Variants in CEP126 observed in about 807,000 individuals in gnomAD.
The protein encoded by CEP126 is centrosomal protein of 126 kDa.
In CEP126, 74 loss-of-function variants were observed where a neutral mutation model predicts 107.8. The observed-to-expected ratio is 0.69, with a 90% CI of 0.57 to 0.83. CEP126 has a LOEUF of 0.83. CEP126 is among the 40% of genes least tolerant of loss of function. CEP126 has a pLI of 0.00. For missense variants in CEP126, 1,237 were observed against 1,281.9 expected (o/e 0.96, Z 0.53); for synonymous variants, 449 against 446.0 (o/e 1.01, Z -0.08).
In CEP126 at chr11:101,915,067, T is replaced by C; in HGVS notation, c.-218T>C. On this transcript the variant is annotated 5_prime_UTR_variant, in exon 1 of 11. Coordinates refer to ENST00000263468, the MANE Select transcript of CEP126 (RefSeq NM_020802.4). ...AGGGTTGCTGCCGCCCCATCTGCTA[T>C]TGCCCGGCGAGGTCGCCGCTGCCTC... The C allele has an allele frequency of 1.8e-6, 1 of 567,860 alleles. No homozygotes were observed. The highest frequency in any genetic ancestry group is 3.2e-5 in the South Asian group (1 of 31,236). The allele number at this position is 567,860 out of a possible 1,614,324, so 35.2% of individuals were successfully genotyped here. A position where few individuals can be genotyped will look rare whatever the true frequency, so the allele number is the denominator to read the frequency against.
At chr11:101,928,385 G>T (rs1940442162) in intron 2 of CEP126, among the ~76,000 whole-genome samples, 1 of 152,068 alleles carries the variant, frequency 6.6e-6, no homozygotes, top group East Asian at 1.9e-4. Flanking sequence ...CAGCTTATTG[G>T]TTTTTCTTTT....
Position 101,915,179 on chromosome 11 carries a change from C to T in CEP126, c.-106C>T. On this transcript the variant is annotated 5_prime_UTR_variant, in exon 1 of 11. Coordinates refer to ENST00000263468, the MANE Select transcript of CEP126 (RefSeq NM_020802.4). ...ACCCTTCCGCGCCCGTGACGCGGGG[C>T]CTGAGAGACGGAGTGTAGGGAGGGG... 1 of 1,516,362 alleles carries T rather than the reference C, an allele frequency of 6.6e-7. No individual in the cohort carries two copies. Among genetic ancestry groups the T allele is most frequent in the Non-Finnish European group, 8.9e-7 (1 of 1,118,434 alleles). 93.9% of individuals were successfully genotyped at this position (1,516,362 alleles called of 1,614,324 possible).
intron 2 of CEP126, among the ~76,000 whole-genome samples, chr11:101,938,789 T>C (rs994773918): frequency 2.6e-5 from 4 of 152,156 alleles, no homozygotes; most frequent in East Asian, 3.9e-4. Flanking sequence ...CATTCAAAAA[T>C]TTTTTTTACT....
chr11:101,935,262 G>T (rs1164163460), intron 2 of CEP126, among the ~76,000 whole-genome samples: 1 of 151,722 alleles, frequency 6.6e-6, no homozygotes, highest in Non-Finnish European at 1.5e-5. Flanking sequence ...CAAGTTCTTT[G>T]TCACAGATTT....
intron 7 of CEP126, among the ~76,000 whole-genome samples, chr11:101,980,265 C>CA (rs1425757781): frequency 6.6e-6 from 1 of 152,112 alleles, no homozygotes; most frequent in Non-Finnish European, 1.5e-5. Flanking sequence ...TGTTCCCATC[C>CA]AACGTCTCAA....
At chr11:101,949,638 T>TG (rs1342620117) in intron 4 of CEP126, among the ~76,000 whole-genome samples, 2 of 151,904 alleles carry the variant, frequency 1.3e-5, no homozygotes, top group Non-Finnish European at 2.9e-5. Flanking sequence ...TAAATTTTCA[T>TG]GGGAAAAAAA....
intron 7 of CEP126, among the ~76,000 whole-genome samples, chr11:101,979,555 A>G (rs1025956559): frequency 1.3e-5 from 2 of 152,094 alleles, no homozygotes; most frequent in African/African-American, 2.4e-5. Context: ...CAAGACCAGC[A>G]TGGGCAACAT....
chr11:101,990,610 C>G (rs975434091), intron 9 of CEP126, among the ~76,000 whole-genome samples: 1 of 152,140 alleles, frequency 6.6e-6, no homozygotes, highest in African/African-American at 2.4e-5. Context: ...AGAGGCCACA[C>G]AGGGTCTGCT....
At position 101,963,301 on chromosome 11, in the gene CEP126, A is replaced by G. The variant is rs1192258715; in HGVS notation, c.2266A>G (p.Ile756Val). The change falls in exon 6 of 11, where the codon ATA becomes GTA. Residue 756 changes from isoleucine to valine, a missense_variant. Ile to Val is a conservative substitution (Grantham distance 29, BLOSUM62 3). Coordinates refer to ENST00000263468, the MANE Select transcript of CEP126 (RefSeq NM_020802.4). ...QGKPQRGRAK[I>V]IRKPGSAKVQ... ...TAAGCCACAAAGAGGTAGAGCAAAA[A>G]TAATTAGAAAACCAGGATCTGCAAA... 4 of 1,613,842 alleles carry G rather than the reference A, an allele frequency of 2.5e-6. No individual in the cohort carries two copies. Among genetic ancestry groups the G allele is most frequent in the Non-Finnish European group, 3.4e-6 (4 of 1,179,996 alleles).
At chr11:101,924,034 C>G (rs770565830) in intron 2 of CEP126, among the ~76,000 whole-genome samples, 7 of 152,068 alleles carry the variant, frequency 4.6e-5, no homozygotes, top group Non-Finnish European at 1.0e-4. Context: ...ACTTTAATAG[C>G]AAGCCTTTAT....
chr11:101,922,501 T>C (rs957390435), intron 1 of CEP126, 140 bp from the exon 2 acceptor site: 8 of 663,720 alleles, frequency 1.2e-5, no homozygotes, highest in Non-Finnish European at 1.8e-5. Context: ...AGTCATATAC[T>C]AATGTGGGCA....
At chr11:101,991,421 C>G (rs1941380445) in intron 9 of CEP126, among the ~76,000 whole-genome samples, 1 of 151,920 alleles carries the variant, frequency 6.6e-6, no homozygotes, top group Non-Finnish European at 1.5e-5. Context: ...TATCAAGGGA[C>G]AAAGCAATCA....
chr11:101,994,832 G>A (rs1591298289), intron 10 of CEP126, among the ~76,000 whole-genome samples: 1 of 150,990 alleles, frequency 6.6e-6, no homozygotes, highest in East Asian at 1.9e-4. Context: ...GCTAAGAAGT[G>A]TACATCGGTA....
At chr11:101,968,631 A>T (rs1024864120) in intron 6 of CEP126, among the ~76,000 whole-genome samples, 3 of 152,226 alleles carry the variant, frequency 2.0e-5, no homozygotes, top group Admixed American at 1.3e-4. Flanking sequence ...ATATGAGCCC[A>T]TATCTAGAGG....
chr11:101,952,037 G>A (rs981012072), intron 4 of CEP126, among the ~76,000 whole-genome samples: 3 of 152,190 alleles, frequency 2.0e-5, no homozygotes, highest in Non-Finnish European at 4.4e-5. Context: ...AAATATCACT[G>A]ACATGAGTGA....
intron 4 of CEP126, chr11:101,956,066 C>T (rs1381003782): frequency 2.2e-6 from 1 of 456,664 alleles, no homozygotes; most frequent in East Asian, 6.9e-5. Context: ...TAGCAGTTTC[C>T]CTCGTCTACC....
chr11:101,958,559 G>A (rs997600024), intron 5 of CEP126, among the ~76,000 whole-genome samples, 193 bp downstream of exon 5: 1 of 152,120 alleles, frequency 6.6e-6, no homozygotes, highest in Non-Finnish European at 1.5e-5. Flanking sequence ...ACCTTTGAAA[G>A]TACAATGTAA....
At position 101,944,307 on chromosome 11, in the gene CEP126, C is replaced by T; in HGVS notation, c.291C>T (p.His97=). 4.4e-6 allele frequency: 7 copies of T among 1,608,652 alleles called. No homozygotes were observed. The highest frequency in any genetic ancestry group is 5.9e-6 in the Non-Finnish European group (7 of 1,178,244). The part of the protein sequence containing the change: ...EKRKEQEEKE[H]QIREQILQQR... ...GAAAAGAACAGGAAGAAAAAGAACA[C>T]CAAATTAGAGAACAAATACTTCAAC... is the stretch of plus-strand genomic sequence containing the variant. The change falls in exon 3 of 11, where the codon CAC becomes CAT. Residue 97 remains histidine, a synonymous_variant. Transcript: ENST00000263468.
At chr11:101,922,467 T>C (rs1277608950) in intron 1 of CEP126, among the ~76,000 whole-genome samples, 174 bp from the exon 2 acceptor site, 1 of 152,044 alleles carries the variant, frequency 6.6e-6, no homozygotes, top group East Asian at 1.9e-4. Flanking sequence ...CAGCCCCGAA[T>C]TTTTTTTACA....
Sources: allele counts gnomAD v4.1 joint callset (sites outside exome capture counted in the v4.1 genomes callset), GRCh38; gene constraint gnomAD v4.1.1; transcripts MANE v1.5; gene names NCBI Gene and HGNC (gene_info 2026-07-23, HGNC 2026-07-21).